The following TSNARE1 variants were observed in gnomAD, a reference collection of about 807,000 sequenced individuals.
TSNARE1 encodes t-SNARE domain-containing protein 1.
Under a neutral mutation model 62.0 loss-of-function variants are expected in TSNARE1, and 49 were observed. The observed-to-expected ratio is 0.79, with a 90% CI of 0.63 to 1.00. TSNARE1 has a LOEUF of 1.00. Ranked by LOEUF, TSNARE1 falls within the 50% of genes least tolerant of loss-of-function variation. TSNARE1 has a pLI of 0.00. For missense variants in TSNARE1, 755 were observed against 700.1 expected (o/e 1.08, Z -0.88); for synonymous variants, 328 against 294.4 (o/e 1.11, Z -1.17).
intron 1 of TSNARE1, among the ~76,000 whole-genome samples, chr8:142,402,232 G>A (rs548699498): frequency 1.3e-5 from 2 of 152,264 alleles, no homozygotes; most frequent in East Asian, 3.9e-4. Flanking sequence ...AGCAGCACGC[G>A]CGAGGCCCAT....
In TSNARE1 at chr8:142,344,167, C is replaced by T. The variant is rs772936454; in HGVS notation, c.544G>A (p.Val182Met). ...NALGYCRRDV[V>M]DLKHKWRDLR... ...TCCCGCCACTTGTGCTTCAGGTCCA[C>T]AACGTCGCGGCGACAGTAGCCCAGC... is the stretch of plus-strand genomic sequence containing the variant. Residue 182 changes from valine to methionine, a missense_variant, in exon 4 of 14, where the codon GTG becomes ATG. Val to Met is a conservative substitution (Grantham distance 21, BLOSUM62 1). Coordinates refer to ENST00000524325, the MANE Select transcript of TSNARE1 (RefSeq NM_145003.5). 1 of 1,613,300 alleles carries T rather than the reference C, an allele frequency of 6.2e-7. No homozygotes were observed. Among genetic ancestry groups the T allele is most frequent in the South Asian group, 1.1e-5 (1 of 91,080 alleles).
chr8:142,365,678 G>A (rs1428584657), intron 1 of TSNARE1, among the ~76,000 whole-genome samples: 2 of 151,728 alleles, frequency 1.3e-5, no homozygotes, highest in African/African-American at 2.4e-5. Context: ...GAGGGGACAT[G>A]TTAACATTTG....
chr8:142,214,204 G>A (rs765074005), intron 13 of TSNARE1, among the ~76,000 whole-genome samples: 18 of 152,124 alleles, frequency 1.2e-4, no homozygotes, highest in Non-Finnish European at 2.5e-4. Flanking sequence ...CAGAAAGGAG[G>A]ATGGGCGGCC....
chr8:142,263,306 G>A (rs1205341784), intron 12 of TSNARE1, among the ~76,000 whole-genome samples: 3 of 152,134 alleles, frequency 2.0e-5, no homozygotes, highest in Non-Finnish European at 4.4e-5. Flanking sequence ...TATTCCAGTG[G>A]GGTGAATTCT....
rs900073809 is a variant in TSNARE1, at chr8:142,331,851, A to T, written c.746-20T>A. The T allele has an allele frequency of 6.3e-7, 1 of 1,598,494 alleles. No homozygotes were observed. Among genetic ancestry groups the T allele is most frequent in the South Asian group, 1.1e-5 (1 of 88,298 alleles). On this transcript the variant is annotated intron_variant, in intron 4 of 13. Coordinates refer to ENST00000524325, the MANE Select transcript of TSNARE1 (RefSeq NM_145003.5). ...GGGTGGCTGGGAGAAGACAGGGAGG[A>T]GGAAAGAACACAGGCTAAGGGTGAA...
chr8:142,261,385 G>T (rs1314034782), intron 12 of TSNARE1, among the ~76,000 whole-genome samples: 2 of 140,412 alleles, frequency 1.4e-5, no homozygotes, highest in Non-Finnish European at 1.6e-5. Context: ...GGAGGAGAGA[G>T]GGGGGAGGGA....
intron 10 of TSNARE1, among the ~76,000 whole-genome samples, chr8:142,285,896 G>A (rs1392308454): frequency 2.6e-5 from 4 of 152,188 alleles, no homozygotes; most frequent in East Asian, 1.9e-4. Flanking sequence ...TGTGCTTCAG[G>A]CAAGGCACAT....
At chr8:142,357,878 A>G (rs1186573721) in intron 1 of TSNARE1, among the ~76,000 whole-genome samples, 1 of 152,182 alleles carries the variant, frequency 6.6e-6, no homozygotes, top group African/African-American at 2.4e-5. Flanking sequence ...GGGGATGTTA[A>G]CCAGAGGCCA....
At chr8:142,237,000 G>T (rs1439326927) in intron 12 of TSNARE1, among the ~76,000 whole-genome samples, 1 of 152,208 alleles carries the variant, frequency 6.6e-6, no homozygotes, top group Non-Finnish European at 1.5e-5. Context: ...AGGAAGGGAA[G>T]AGCCCATGGT....
chr8:142,308,072 T>C (rs943269778), intron 9 of TSNARE1, among the ~76,000 whole-genome samples: 1 of 152,198 alleles, frequency 6.6e-6, no homozygotes, highest in African/African-American at 2.4e-5. Flanking sequence ...CCTTTCATTG[T>C]TTTTCAATAG....
intron 12 of TSNARE1, among the ~76,000 whole-genome samples, chr8:142,255,345 CCACCACAGCACCATCACCAT>C (rs1219288191): frequency 6.6e-6 from 1 of 150,828 alleles, no homozygotes; most frequent in Non-Finnish European, 1.5e-5. Flanking sequence ...ACCATCACCA[CCACCACAGCACCATCACCAT>C]CACCATCATC....
At chr8:142,357,299 G>A (rs750634913) in intron 1 of TSNARE1, among the ~76,000 whole-genome samples, 5 of 152,192 alleles carry the variant, frequency 3.3e-5, no homozygotes, top group African/African-American at 4.8e-5. Context: ...CAGAGAACTC[G>A]GGGAGGGGCA....
intron 1 of TSNARE1, among the ~76,000 whole-genome samples, chr8:142,371,073 A>C (rs1264594403): frequency 6.6e-6 from 1 of 152,222 alleles, no homozygotes; most frequent in Non-Finnish European, 1.5e-5. Flanking sequence ...ACAGACATTC[A>C]AAGAATAAGG....
chr8:142,311,989 A>C (rs1477883386), intron 9 of TSNARE1, among the ~76,000 whole-genome samples: 1 of 152,260 alleles, frequency 6.6e-6, no homozygotes, highest in Non-Finnish European at 1.5e-5. Flanking sequence ...TTAATAACAC[A>C]GATTGAATAT....
At chr8:142,306,181 C>T (rs1312028000) in intron 9 of TSNARE1, among the ~76,000 whole-genome samples, 1 of 152,198 alleles carries the variant, frequency 6.6e-6, no homozygotes, top group Non-Finnish European at 1.5e-5. Context: ...TCAGGACGGA[C>T]ACGGCTGTGG....
In TSNARE1 at chr8:142,343,953, GCAAGGAA is replaced by G; in HGVS notation, c.745+6_745+12del. The stretch of plus-strand genomic sequence containing the variant: ...GTGGCACCCTAGCAAGGTGAGCTGA[GCAAGGAA>G]CTCACCTCTGGGCGGCTCCAGACTG... On this transcript the variant is annotated splice_donor_region_variant and intron_variant, in intron 4 of 13. Transcript: ENST00000524325. 1 of 1,512,228 alleles carries G rather than the reference GCAAGGAA, an allele frequency of 6.6e-7. No individual in the cohort carries two copies. The highest frequency in any genetic ancestry group is 1.3e-5 in the South Asian group (1 of 74,756). 93.7% of individuals were successfully genotyped at this position (1,512,228 alleles called of 1,614,324 possible).
intron 2 of TSNARE1, among the ~76,000 whole-genome samples, chr8:142,354,216 G>A (rs145613626): frequency 2.2e-3 from 329 of 152,224 alleles, no homozygotes; most frequent in Non-Finnish European, 3.7e-3. Context: ...CCAGCTGCGC[G>A]GCCCTGGGAT....
chr8:142,249,734 C>T (rs1052988770), intron 12 of TSNARE1, among the ~76,000 whole-genome samples: 4 of 152,200 alleles, frequency 2.6e-5, no homozygotes, highest in Non-Finnish European at 5.9e-5. Context: ...GTGACATGTG[C>T]TGTTTCCAAG....
At chr8:142,250,584 G>A (rs576521842) in intron 12 of TSNARE1, among the ~76,000 whole-genome samples, 85 of 152,312 alleles carry the variant, frequency 5.6e-4, no homozygotes, top group African/African-American at 1.7e-3. Context: ...CCTTCGGAGC[G>A]TTCTCATCTG....
Sources: allele counts gnomAD v4.1 joint callset (sites outside exome capture counted in the v4.1 genomes callset), GRCh38; gene constraint gnomAD v4.1.1; transcripts MANE v1.5; gene names NCBI Gene and HGNC (gene_info 2026-07-23, HGNC 2026-07-21).